The following PLXNA4 variants were observed in gnomAD, a reference collection of about 807,000 sequenced individuals.
PLXNA4 encodes plexin-A4.
A neutral mutation model predicts 191.8 loss-of-function variants in PLXNA4; 44 were observed. The ratio of observed to expected loss-of-function variants is 0.23; its 90% CI spans 0.18 to 0.29. The LOEUF (loss-of-function observed/expected upper bound fraction) is 0.29. Among genes scored for constraint, PLXNA4 ranks in the 10% least tolerant of loss-of-function variants. The probability of loss-of-function intolerance (pLI) is 1.00; values close to 1 mark genes in which losing one functional copy is unlikely to be tolerated. For missense variants in PLXNA4, 1,800 were observed against 2,488.8 expected (o/e 0.72, Z 5.89); for synonymous variants, 1,082 against 1,009.5 (o/e 1.07, Z -1.36).
At chr7:132,295,756 C>T (rs1307477737) in intron 4 of PLXNA4, among the ~76,000 whole-genome samples, 1 of 152,108 alleles carries the variant, frequency 6.6e-6, no homozygotes, top group African/African-American at 2.4e-5. Flanking sequence ...CTGCCTGACT[C>T]TAAGCACGGC....
chr7:132,397,319 A>C (rs1793808339), intron 3 of PLXNA4, among the ~76,000 whole-genome samples: 1 of 152,214 alleles, frequency 6.6e-6, no homozygotes, highest in Non-Finnish European at 1.5e-5. Context: ...CACTCGAGCT[A>C]ATCTGAAACC....
At chr7:132,573,337 C>T (rs565035794) in intron 1 of PLXNA4, among the ~76,000 whole-genome samples, 4 of 152,284 alleles carry the variant, frequency 2.6e-5, no homozygotes, top group African/African-American at 7.2e-5. Context: ...GCATTGTCTG[C>T]GTATGCCTTC....
chr7:132,510,938 CA>C (rs1798688916), intron 1 of PLXNA4, among the ~76,000 whole-genome samples: 1 of 152,182 alleles, frequency 6.6e-6, no homozygotes, highest in African/African-American at 2.4e-5. Context: ...CTGAAATGCA[CA>C]GTGTTGAAGA....
At chr7:132,210,357 T>C (rs1011987500) in intron 10 of PLXNA4, among the ~76,000 whole-genome samples, 8 of 152,234 alleles carry the variant, frequency 5.3e-5, no homozygotes, top group African/African-American at 1.9e-4. Context: ...TGCTGACTAC[T>C]CATTGATAGG....
At chr7:132,323,664 C>T (rs1010623004) in intron 3 of PLXNA4, among the ~76,000 whole-genome samples, 4 of 152,178 alleles carry the variant, frequency 2.6e-5, no homozygotes, top group Non-Finnish European at 5.9e-5. Context: ...CACTTCCAGG[C>T]CACTATAATG....
In PLXNA4 at chr7:132,145,297, G is replaced by A. The variant is rs2116562597; in HGVS notation, c.5056-9C>T. On this transcript the variant is annotated splice_polypyrimidine_tract_variant and intron_variant, in intron 28 of 31. Coordinates refer to ENST00000321063, the MANE Select transcript of PLXNA4 (RefSeq NM_020911.2). Reference sequence around the variant, plus strand: ...AACTTCTGCAGTGTGCCCTGGAGAGGCAGGATACGTCCAGACACAGCTCGA... The same window carrying A: ...AACTTCTGCAGTGTGCCCTGGAGAGACAGGATACGTCCAGACACAGCTCGA... The A allele has an allele frequency of 6.2e-7, 1 of 1,614,010 alleles. No individual in the cohort carries two copies. The highest frequency in any genetic ancestry group is 1.3e-5 in the African/African-American group (1 of 75,040).
intron 3 of PLXNA4, among the ~76,000 whole-genome samples, chr7:132,299,217 T>C (rs1250792264): frequency 6.6e-6 from 1 of 152,196 alleles, no homozygotes; most frequent in Non-Finnish European, 1.5e-5. Flanking sequence ...CCCTACCACA[T>C]GCACAACTGT....
At chr7:132,610,281 C>A (rs530504725) in intron 2 of PLXNA4, among the ~76,000 whole-genome samples, 4 of 152,182 alleles carry the variant, frequency 2.6e-5, no homozygotes, top group African/African-American at 9.7e-5. Context: ...CTAGTCACTA[C>A]AATCCCTGGG....
At chr7:132,509,823 C>A (rs1187823718) in intron 1 of PLXNA4, among the ~76,000 whole-genome samples, 2 of 152,146 alleles carry the variant, frequency 1.3e-5, no homozygotes, top group African/African-American at 4.8e-5. Context: ...AAATTAAAAA[C>A]CCACATCCTC....
At chr7:132,484,642 C>A (rs1282965968) in intron 3 of PLXNA4, 1 of 1,153,424 alleles carries the variant, frequency 8.7e-7, no homozygotes, top group Admixed American at 2.7e-5. Flanking sequence ...ACTACCTGAC[C>A]GAACCCTGTA....
chr7:132,257,162 C>G (rs1016979518), intron 4 of PLXNA4, among the ~76,000 whole-genome samples: 22 of 152,236 alleles, frequency 1.4e-4, no homozygotes, highest in Admixed American at 3.3e-4. Context: ...TTTCTCCACT[C>G]CAGTCCCCTC....
Position 132,634,462 on chromosome 7 carries a change from G to GCACA in PLXNA4, c.-87+11462_-87+11465dup, listed in dbSNP as rs146537137. The stretch of plus-strand genomic sequence containing the variant: ...ACATACACACAGGAACACTGCCCCA[G>GCACA]CACACACACACACACACACACTACA... On this transcript the variant is annotated intron_variant, in intron 2 of 4. Coordinates refer to the PLXNA4 transcript ENST00000378539. Among the ~76,000 whole-genome samples the GCACA allele has an allele frequency of 6.0e-3, 885 of 146,622 alleles. 6 individuals carry two copies. The highest frequency in any genetic ancestry group is 0.023 in the Middle Eastern group (6 of 266).
intron 3 of PLXNA4, among the ~76,000 whole-genome samples, chr7:132,391,614 AC>A (rs1201433126): frequency 6.6e-6 from 1 of 151,826 alleles, no homozygotes; most frequent in Admixed American, 6.6e-5. Flanking sequence ...GATGCAGCCA[AC>A]CCCAGGCTAC....
At chr7:132,130,859 C>G (rs1217065223) in intron 31 of PLXNA4, among the ~76,000 whole-genome samples, 1 of 152,158 alleles carries the variant, frequency 6.6e-6, no homozygotes, top group Non-Finnish European at 1.5e-5. Context: ...AGATGGTAGA[C>G]AGAGGGCAGA....
intron 23 of PLXNA4, 46 bp from the exon 24 acceptor site, chr7:132,164,334 G>T: frequency 6.2e-7 from 1 of 1,604,872 alleles, no homozygotes; most frequent in Middle Eastern, 1.7e-4. Flanking sequence ...TGGAACACTG[G>T]AGTGTACCCC....
intron 25 of PLXNA4, 142 bp from the exon 26 acceptor site, chr7:132,148,788 A>G: frequency 2.2e-6 from 3 of 1,342,070 alleles, no homozygotes; most frequent in Non-Finnish European, 3.0e-6. Context: ...GCGAAAATGG[A>G]GTGCCAAAGC....
rs56273116 is a variant in PLXNA4 at position 132,312,149 on chromosome 7, A to AAATAATAATAATAAT, written c.1372-13942_1372-13928dup. Among the ~76,000 whole-genome samples the AAATAATAATAATAAT allele has an allele frequency of 4.0e-3, 595 of 149,546 alleles. 6 individuals are homozygous for AAATAATAATAATAAT. The highest frequency in any genetic ancestry group is 0.013 in the African/African-American group (524 of 40,254). On this transcript the variant is annotated intron_variant, in intron 3 of 31. Coordinates refer to ENST00000321063, the MANE Select transcript of PLXNA4 (RefSeq NM_020911.2). ...ACCAGAGCCAAAGTGCCTTGAAGGA[A>AAATAATAATAATAAT]AATAATAATAATAATAATAATAATA...
At chr7:132,527,749 C>T (rs1384379035) in intron 1 of PLXNA4, among the ~76,000 whole-genome samples, 2 of 152,086 alleles carry the variant, frequency 1.3e-5, no homozygotes, top group Non-Finnish European at 2.9e-5. Flanking sequence ...AGACCTATTC[C>T]CCATGCCACC....
intron 3 of PLXNA4, among the ~76,000 whole-genome samples, chr7:132,363,123 T>C (rs748977397): frequency 3.3e-5 from 5 of 152,198 alleles, no homozygotes; most frequent in Non-Finnish European, 7.3e-5. Flanking sequence ...TAGCTGGGAC[T>C]ACAGGCATGC....
Sources: gnomAD v4.1 joint callset for allele counts (sites outside exome capture counted in the v4.1 genomes callset) on GRCh38, gnomAD v4.1.1 for gene constraint, MANE v1.5 for transcripts, NCBI Gene and HGNC (gene_info 2026-07-23, HGNC 2026-07-21) for gene names.